TIGAR: variants seen among roughly 807,000 people sequenced by gnomAD.
TIGAR encodes the protein fructose-2,6-bisphosphatase TIGAR.
A neutral mutation model predicts 17.9 loss-of-function variants in TIGAR; 7 were observed. The ratio of observed to expected loss-of-function variants is 0.39; its 90% confidence interval spans 0.22 to 0.73. The LOEUF is 0.73. Ranked by LOEUF, TIGAR falls within the 30% of genes least tolerant of loss-of-function variation. The probability of loss-of-function intolerance (pLI) is 0.42; values close to 1 mark genes in which losing one functional copy is unlikely to be tolerated. For missense variants in TIGAR, 258 were observed against 327.4 expected (o/e 0.79, Z 1.64); for synonymous variants, 94 against 108.6 (o/e 0.87, Z 0.84).
intron 1 of TIGAR, among the ~76,000 whole-genome samples, chr12:4,323,914 G>T (rs1439149891): frequency 6.6e-6 from 1 of 152,142 alleles, no homozygotes; most frequent in African/African-American, 2.4e-5. Flanking sequence ...TTTTAAATTT[G>T]ACTCATTATC....
At chr12:4,323,754 T>C (rs1454345289) in intron 1 of TIGAR, among the ~76,000 whole-genome samples, 5 of 152,308 alleles carry the variant, frequency 3.3e-5, no homozygotes, top group African/African-American at 1.2e-4. Flanking sequence ...TTGTGTGGAG[T>C]TATGACAATA....
chr12:4,340,044 C>G (rs962712640), intron 3 of TIGAR, among the ~76,000 whole-genome samples: 1 of 152,094 alleles, frequency 6.6e-6, no homozygotes, highest in Non-Finnish European at 1.5e-5. Flanking sequence ...TGTTATTCAA[C>G]GTAGTACTGG....
At chr12:4,324,569 G>A in intron 1 of TIGAR, 3 of 1,604,148 alleles carry the variant, frequency 1.9e-6, no homozygotes, top group African/African-American at 1.3e-5. Context: ...ATCATGTCCC[G>A]CAGGTGCGTC....
chr12:4,350,345 A>G (rs1007256093), intron 4 of TIGAR, among the ~76,000 whole-genome samples: 1 of 152,218 alleles, frequency 6.6e-6, no homozygotes, highest in African/African-American at 2.4e-5. Flanking sequence ...AGGCATTTAT[A>G]TACATATTGC....
chr12:4,321,597 T>A lies in TIGAR; in HGVS notation c.32+294T>A, dbSNP rs570529314. Among the ~76,000 whole-genome samples the A allele has an allele frequency of 3.9e-5, 6 of 152,294 alleles. No individual in the cohort carries two copies. The highest frequency in any genetic ancestry group is 1.4e-4 in the African/African-American group (6 of 41,584). The stretch of plus-strand genomic sequence containing the variant: ...TCGGGGTTCGTAGGCACTTGGTGGC[T>A]GCACCAAAAACGGTGCCAGACATGT... On this transcript the variant is annotated intron_variant, in intron 1 of 5. Transcript: ENST00000179259. This position sits in a 1 kb window ranked among gnomAD's most constrained non-coding sequence, Gnocchi z 5.2.
Position 4,354,207 on chromosome 12 carries a change from G to A in TIGAR, c.*1516G>A, listed in dbSNP as rs1187024515. ...AATTCAGTATTATATTGTTCTTAGT[G>A]TGTCTAGCACTACCAGTTTTCTACC... is the stretch of plus-strand genomic sequence containing the variant. On this transcript the variant is annotated 3_prime_UTR_variant, in exon 6 of 6. Transcript: ENST00000179259. 6.6e-6 allele frequency: 1 copy of A among 152,126 alleles called. No individual in the cohort carries two copies. The highest frequency in any genetic ancestry group is 1.9e-4 in the East Asian group (1 of 5,196). The allele number at this position is 152,126 out of a possible 1,614,324, so 9.4% of individuals were successfully genotyped here.
At chr12:4,348,992 A>G (rs1433549396) in intron 3 of TIGAR, among the ~76,000 whole-genome samples, 1 of 152,252 alleles carries the variant, frequency 6.6e-6, no homozygotes, top group Non-Finnish European at 1.5e-5. Flanking sequence ...ACTGTAAAAA[A>G]GAGCCAAATG....
At chr12:4,324,031 C>G (rs1296825717) in intron 1 of TIGAR, among the ~76,000 whole-genome samples, 1 of 152,186 alleles carries the variant, frequency 6.6e-6, no homozygotes, top group Admixed American at 6.5e-5. Context: ...TCAACAGAAC[C>G]TGTTAGGAAT....
rs144302120 is a variant in TIGAR, at chr12:4,339,357, A to T, written c.192+2197A>T. Among the ~76,000 whole-genome samples the T allele has an allele frequency of 1.4e-3, 211 of 152,316 alleles. 1 individual carries two copies. Among genetic ancestry groups the T allele is most frequent in the African/African-American group, 4.6e-3 (192 of 41,578 alleles). ...CCTACCAAGATTGAACCAGGAAGAA[A>T]TCCAAAGCCTAAACAGAATAATAAC... is the stretch of plus-strand genomic sequence containing the variant. On this transcript the variant is annotated intron_variant, in intron 3 of 5. Coordinates refer to ENST00000179259, the MANE Select transcript of TIGAR (RefSeq NM_020375.3).
In TIGAR at chr12:4,321,992, A is replaced by ATT. The variant is rs928741904; in HGVS notation, c.32+693_32+694dup. On this transcript the variant is annotated intron_variant, in intron 1 of 5. Coordinates refer to ENST00000179259, the MANE Select transcript of TIGAR (RefSeq NM_020375.3). The surrounding 1 kb of genome is among the most constrained non-coding windows in gnomAD (Gnocchi z 5.2). ...AGGGTAGTTAAGAGCACAGATTTTT[A>ATT]TTTTTATTTTTTTTTTTTTGTGAGA... is the stretch of plus-strand genomic sequence containing the variant. Among the ~76,000 whole-genome samples the ATT allele has an allele frequency of 4.4e-5, 5 of 114,940 alleles. No individual in the cohort carries two copies. Among genetic ancestry groups the ATT allele is most frequent in the African/African-American group, 1.5e-4 (5 of 32,434 alleles). The allele number at this position is 114,940 out of a possible 152,430, so 75.4% of individuals were successfully genotyped here.
chr12:4,336,890 A>C (rs866352651), intron 2 of TIGAR, 149 bp from the exon 3 acceptor site: 1 of 887,802 alleles, frequency 1.1e-6, no homozygotes, highest in Non-Finnish European at 1.6e-6. Flanking sequence ...TTTACTTGCT[A>C]ATAACTCCCT....
At chr12:4,323,757 T>C (rs77585065) in intron 1 of TIGAR, among the ~76,000 whole-genome samples, 6,824 of 152,302 alleles carry the variant, frequency 0.045, 493 homozygotes, top group East Asian at 0.33. Context: ...TGTGGAGTTA[T>C]GACAATAGTT....
intron 3 of TIGAR, among the ~76,000 whole-genome samples, chr12:4,341,276 A>T (rs112161307): frequency 4.1e-4 from 32 of 77,528 alleles, no homozygotes; most frequent in Non-Finnish European, 1.1e-3. Context: ...TGACAAAGAG[A>T]GGGGGGGCGG....
At chr12:4,341,645 C>G (rs933942132) in intron 3 of TIGAR, among the ~76,000 whole-genome samples, 7 of 152,326 alleles carry the variant, frequency 4.6e-5, no homozygotes, top group Admixed American at 3.9e-4. Flanking sequence ...GAGTGGACCT[C>G]CAGCAAACTC....
intron 1 of TIGAR, 87 bp from the exon 2 acceptor site, chr12:4,331,193 A>G: frequency 1.8e-6 from 2 of 1,141,116 alleles, no homozygotes; most frequent in East Asian, 2.3e-5. Context: ...TTTTTAGAGT[A>G]TCACCACACT....
At chr12:4,331,903 A>G (rs1864607228) in intron 2 of TIGAR, among the ~76,000 whole-genome samples, 1 of 152,150 alleles carries the variant, frequency 6.6e-6, no homozygotes, top group South Asian at 2.1e-4. Flanking sequence ...GTGATTATAA[A>G]AGCATTTAGT....
rs573367640 is a variant in TIGAR, at chr12:4,358,818, A to G, written c.*6127A>G. Among the ~76,000 whole-genome samples the G allele has an allele frequency of 6.8e-6, 1 of 147,952 alleles. No individual in the cohort carries two copies. Among genetic ancestry groups the G allele is most frequent in the South Asian group, 2.1e-4 (1 of 4,686 alleles). Reference sequence around the variant, plus strand: ...CATGTTTCTTCATGTCCTTCCGTCTACTCCTTTGCCTTCCTTTGCCCTTCT... The same window carrying G: ...CATGTTTCTTCATGTCCTTCCGTCTGCTCCTTTGCCTTCCTTTGCCCTTCT... On this transcript the variant is annotated 3_prime_UTR_variant, in exon 6 of 6. Coordinates refer to ENST00000179259, the MANE Select transcript of TIGAR (RefSeq NM_020375.3).
intron 1 of TIGAR, among the ~76,000 whole-genome samples, chr12:4,322,986 A>C (rs1864496723): frequency 6.6e-6 from 1 of 151,780 alleles, no homozygotes; most frequent in Admixed American, 6.6e-5. Flanking sequence ...TGAAACTCAG[A>C]CCATCAAGGT....
Position 4,357,398 on chromosome 12 carries a change from G to T in TIGAR, c.*4707G>T, listed in dbSNP as rs1864916429. Among the ~76,000 whole-genome samples, 1 of 152,200 alleles carries T rather than the reference G, an allele frequency of 6.6e-6. No individual in the cohort carries two copies. Among genetic ancestry groups the T allele is most frequent in the Non-Finnish European group, 1.5e-5 (1 of 68,040 alleles). ...ATGCAAAGGAAAGAAGTATTCAGTA[G>T]AGCGGTGGTGCTGGGCTGAGTACCT... On this transcript the variant is annotated 3_prime_UTR_variant, in exon 6 of 6. Transcript: ENST00000179259.
Sources: allele counts gnomAD v4.1 joint callset (sites outside exome capture counted in the v4.1 genomes callset), GRCh38; gene constraint gnomAD v4.1.1; non-coding constraint Gnocchi (gnomAD v3.1); transcripts MANE v1.5; gene names NCBI Gene and HGNC (gene_info 2026-07-23, HGNC 2026-07-21).